PLCH1: variants seen among roughly 807,000 people sequenced by gnomAD.
PLCH1 encodes 1-phosphatidylinositol 4,5-bisphosphate phosphodiesterase eta-1.
PLCH1 carries 60 observed loss-of-function variants against 126.7 expected under a neutral mutation model. The ratio of observed to expected loss-of-function variants is 0.47; its 90% CI spans 0.38 to 0.59. The LOEUF is 0.59. PLCH1 is among the 20% of genes least tolerant of loss of function. The pLI is 0.00. For missense variants in PLCH1, 1,723 were observed against 2,040.0 expected (o/e 0.84, Z 2.99); for synonymous variants, 719 against 734.9 (o/e 0.98, Z 0.35).
chr3:155,569,330 T>C (rs1728914053), intron 6 of PLCH1, among the ~76,000 whole-genome samples: 1 of 152,180 alleles, frequency 6.6e-6, no homozygotes, highest in Non-Finnish European at 1.5e-5. Context: ...AAATATTCCA[T>C]TTTTGTTTAG....
chr3:155,681,229 C>A (rs1323572882), intron 2 of PLCH1, among the ~76,000 whole-genome samples: 1 of 152,068 alleles, frequency 6.6e-6, no homozygotes, highest in Non-Finnish European at 1.5e-5. Flanking sequence ...TAACACTAAA[C>A]TTAGAAAAAG....
intron 1 of PLCH1, among the ~76,000 whole-genome samples, chr3:155,721,236 T>C (rs1305549215): frequency 6.6e-6 from 1 of 152,212 alleles, no homozygotes; most frequent in Non-Finnish European, 1.5e-5. Context: ...AGGATTGTTT[T>C]TTCTAGTTCT....
chr3:155,560,258 C>T (rs1360979932), intron 8 of PLCH1, among the ~76,000 whole-genome samples: 1 of 152,134 alleles, frequency 6.6e-6, no homozygotes. Context: ...AGTGTGAATC[C>T]AATGAGGCTG....
chr3:155,727,931 C>T (rs764786872), intron 1 of PLCH1, among the ~76,000 whole-genome samples: 22 of 151,618 alleles, frequency 1.5e-4, no homozygotes, highest in Middle Eastern at 3.4e-3. Context: ...TACATTAAAG[C>T]AGAAGCCTTT....
intron 2 of PLCH1, among the ~76,000 whole-genome samples, chr3:155,670,613 G>C (rs1743313724): frequency 1.3e-5 from 2 of 151,940 alleles, no homozygotes; most frequent in African/African-American, 4.8e-5. Context: ...CAATGGGTAG[G>C]GTTCATGGCC....
At chr3:155,732,111 A>T (rs173370) in intron 1 of PLCH1, among the ~76,000 whole-genome samples, 61,931 of 151,784 alleles carry the variant, frequency 0.41, 14,441 homozygotes, top group African/African-American at 0.62. Context: ...TACATTATCA[A>T]TGTTTATAGG....
chr3:155,574,891 G>A (rs995359738), intron 6 of PLCH1, among the ~76,000 whole-genome samples: 1 of 152,140 alleles, frequency 6.6e-6, no homozygotes, highest in African/African-American at 2.4e-5. Flanking sequence ...AGCACTTTGG[G>A]AGGCCAAGGT....
intron 5 of PLCH1, 94 bp from the exon 6 acceptor site, chr3:155,583,736 A>G: frequency 1.2e-6 from 1 of 828,832 alleles, no homozygotes; most frequent in Non-Finnish European, 1.8e-6. Flanking sequence ...GAGCTAGTAC[A>G]CAAATCCCAA....
At chr3:155,605,635 G>A (rs1734260652) in intron 2 of PLCH1, among the ~76,000 whole-genome samples, 1 of 152,206 alleles carries the variant, frequency 6.6e-6, no homozygotes, top group African/African-American at 2.4e-5. Context: ...CTCCTTCTGG[G>A]AAAAATAATG....
At chr3:155,561,743 C>T (rs561756531) in intron 8 of PLCH1, among the ~76,000 whole-genome samples, 1 of 152,118 alleles carries the variant, frequency 6.6e-6, no homozygotes, top group South Asian at 2.1e-4. Flanking sequence ...AGTTTACAGT[C>T]CCACCAACAG....
intron 1 of PLCH1, among the ~76,000 whole-genome samples, chr3:155,708,571 A>G (rs1746859208): frequency 6.6e-6 from 1 of 152,246 alleles, no homozygotes; most frequent in Non-Finnish European, 1.5e-5. Context: ...TTGTGTGAAC[A>G]CAGTAGGTAA....
intron 9 of PLCH1, among the ~76,000 whole-genome samples, chr3:155,553,088 A>C (rs1341865489): frequency 6.6e-6 from 1 of 152,160 alleles, no homozygotes; most frequent in African/African-American, 2.4e-5. Context: ...TGGGATACTC[A>C]GATGAATATT....
chr3:155,626,709 C>T (rs1337935990), intron 2 of PLCH1, among the ~76,000 whole-genome samples: 1 of 129,910 alleles, frequency 7.7e-6, no homozygotes, highest in East Asian at 2.3e-4. Flanking sequence ...GCAGAGCTTG[C>T]AGTGAGCCGA....
chr3:155,720,671 T>A (rs1747884184), intron 1 of PLCH1, among the ~76,000 whole-genome samples: 2 of 152,216 alleles, frequency 1.3e-5, no homozygotes, highest in African/African-American at 4.8e-5. Context: ...CTCGGTGAGT[T>A]GTCTGTTTAC....
At chr3:155,533,578 T>C (rs553581803) in intron 10 of PLCH1, among the ~76,000 whole-genome samples, 8 of 152,222 alleles carry the variant, frequency 5.3e-5, no homozygotes, top group African/African-American at 1.9e-4. Flanking sequence ...AAAAACCCAT[T>C]TTCTGGGGAG....
At chr3:155,628,167 A>G (rs980715323) in intron 2 of PLCH1, among the ~76,000 whole-genome samples, 1 of 152,046 alleles carries the variant, frequency 6.6e-6, no homozygotes. Context: ...TACACTATAT[A>G]AAAAGGGGTT....
chr3:155,635,412 C>T (rs1738604081), intron 2 of PLCH1, among the ~76,000 whole-genome samples: 1 of 152,196 alleles, frequency 6.6e-6, no homozygotes, highest in Non-Finnish European at 1.5e-5. Flanking sequence ...CCACAGCCTC[C>T]AATGGTTACT....
chr3:155,654,248 T>C (rs1741106847), intron 2 of PLCH1, among the ~76,000 whole-genome samples: 1 of 152,010 alleles, frequency 6.6e-6, no homozygotes, highest in Non-Finnish European at 1.5e-5. Flanking sequence ...TTTACTTTGT[T>C]GGATAATCCT....
intron 2 of PLCH1, among the ~76,000 whole-genome samples, chr3:155,679,377 G>A (rs528978404): frequency 6.6e-6 from 1 of 152,274 alleles, no homozygotes; most frequent in East Asian, 1.9e-4. Flanking sequence ...CCTGGCAATG[G>A]CAGTACCTAC....
Sources: gnomAD v4.1 joint callset for allele counts (sites outside exome capture counted in the v4.1 genomes callset) on GRCh38, gnomAD v4.1.1 for gene constraint, MANE v1.5 for transcripts, NCBI Gene and HGNC (gene_info 2026-07-23, HGNC 2026-07-21) for gene names.